GRID2: variants seen among roughly 807,000 people sequenced by gnomAD.
GRID2 encodes the protein glutamate receptor ionotropic, delta-2.
GRID2 carries 33 observed loss-of-function variants against 114.8 expected under a neutral mutation model. The observed-to-expected ratio is 0.29, with a 90% CI of 0.22 to 0.38. GRID2 has a LOEUF of 0.38. GRID2 is among the 10% of genes least tolerant of loss of function. GRID2 has a pLI of 1.00. For synonymous variants in GRID2, 505 were observed against 449.9 expected (o/e 1.12, Z -1.55); for missense variants, 1,184 against 1,257.7 (o/e 0.94, Z 0.89).
chr4:93,551,741 A>G (rs1733770458), intron 13 of GRID2, among the ~76,000 whole-genome samples: 1 of 152,210 alleles, frequency 6.6e-6, no homozygotes, highest in African/African-American at 2.4e-5. Context: ...TTTGCCACTG[A>G]AAATAATGGC....
At chr4:92,336,378 C>T (rs1366217587) in intron 1 of GRID2, among the ~76,000 whole-genome samples, 2 of 152,224 alleles carry the variant, frequency 1.3e-5, no homozygotes, top group African/African-American at 2.4e-5. Context: ...AACATGAGTC[C>T]CATTGTTTCT....
At chr4:93,151,526 G>A (rs1736740154) in intron 4 of GRID2, among the ~76,000 whole-genome samples, 2 of 152,008 alleles carry the variant, frequency 1.3e-5, no homozygotes, top group African/African-American at 4.8e-5. Context: ...AGCCAGACTT[G>A]GTTCTTAATA....
chr4:93,409,203 G>T (rs907616043), intron 9 of GRID2, among the ~76,000 whole-genome samples: 1 of 151,902 alleles, frequency 6.6e-6, no homozygotes, highest in Non-Finnish European at 1.5e-5. Context: ...GAAAAGAAAA[G>T]GTTAATCTAC....
intron 8 of GRID2, among the ~76,000 whole-genome samples, chr4:93,361,547 A>C (rs1761882977): frequency 6.6e-6 from 1 of 151,364 alleles, no homozygotes; most frequent in South Asian, 2.1e-4. Context: ...CTCTGCTGAA[A>C]TTTCCTATCT....
chr4:92,895,620 T>G (rs552645543), intron 2 of GRID2, among the ~76,000 whole-genome samples: 1 of 151,842 alleles, frequency 6.6e-6, no homozygotes, highest in Admixed American at 6.6e-5. Context: ...GCTTAAAAAA[T>G]ATTAAAATAG....
intron 2 of GRID2, among the ~76,000 whole-genome samples, chr4:93,016,938 C>G (rs1326293678): frequency 6.6e-6 from 1 of 151,980 alleles, no homozygotes; most frequent in Non-Finnish European, 1.5e-5. Context: ...AAAAAATTCT[C>G]TTCTATGATG....
intron 2 of GRID2, among the ~76,000 whole-genome samples, chr4:92,710,537 G>C (rs1411813670): frequency 6.6e-6 from 1 of 152,186 alleles, no homozygotes; most frequent in Non-Finnish European, 1.5e-5. Context: ...CCCTCTCTTA[G>C]CTTTTGTGCC....
At chr4:93,412,552 A>G (rs980353137) in intron 9 of GRID2, among the ~76,000 whole-genome samples, 2 of 152,174 alleles carry the variant, frequency 1.3e-5, no homozygotes. Flanking sequence ...GAGATAATAT[A>G]AAAAATTTAC....
chr4:92,526,933 A>G (rs1166798553), intron 1 of GRID2, among the ~76,000 whole-genome samples: 1 of 152,110 alleles, frequency 6.6e-6, no homozygotes, highest in Non-Finnish European at 1.5e-5. Flanking sequence ...ATGTAGCCCC[A>G]TTATAAGTCA....
chr4:93,273,814 A>C (rs2149573705), intron 8 of GRID2, among the ~76,000 whole-genome samples: 1 of 152,236 alleles, frequency 6.6e-6, no homozygotes, highest in African/African-American at 2.4e-5. Context: ...GATAACAAAA[A>C]CCTCAGAGAA....
intron 1 of GRID2, among the ~76,000 whole-genome samples, chr4:92,317,543 A>C (rs923285496): frequency 2.6e-5 from 4 of 152,154 alleles, no homozygotes; most frequent in South Asian, 2.1e-4. Context: ...TTTTCTTTTT[A>C]TTTTTCCTGT....
At chr4:93,678,730 G>A (rs1260441364) in intron 14 of GRID2, among the ~76,000 whole-genome samples, 2 of 151,240 alleles carry the variant, frequency 1.3e-5, no homozygotes. Context: ...CAAGTGCTGA[G>A]AGATTTTGTC....
At chr4:93,345,296 G>T (rs2149252511) in intron 8 of GRID2, among the ~76,000 whole-genome samples, 1 of 151,818 alleles carries the variant, frequency 6.6e-6, no homozygotes, top group Non-Finnish European at 1.5e-5. Flanking sequence ...ATTCCCTTTT[G>T]TCCACATTCT....
At chr4:92,567,444 A>G (rs1287860809) in intron 1 of GRID2, among the ~76,000 whole-genome samples, 1 of 152,040 alleles carries the variant, frequency 6.6e-6, no homozygotes, top group Non-Finnish European at 1.5e-5. Flanking sequence ...TATCTATAGC[A>G]TTACTGAACT....
intron 2 of GRID2, among the ~76,000 whole-genome samples, chr4:92,637,209 T>C (rs1171918503): frequency 6.6e-6 from 1 of 152,030 alleles, no homozygotes; most frequent in African/African-American, 2.4e-5. Flanking sequence ...AAATTTACTA[T>C]GCAGATTTTT....
chr4:93,432,566 G>T (rs1769518731), intron 10 of GRID2, among the ~76,000 whole-genome samples: 1 of 152,058 alleles, frequency 6.6e-6, no homozygotes, highest in African/African-American at 2.4e-5. Flanking sequence ...GAAAACAAAA[G>T]AAATGAGTTT....
chr4:93,682,523 A>G (rs1725664886), intron 14 of GRID2, among the ~76,000 whole-genome samples: 1 of 152,098 alleles, frequency 6.6e-6, no homozygotes, highest in Admixed American at 6.6e-5. Context: ...AAAGACTTGG[A>G]ACCAAGCCAA....
intron 2 of GRID2, among the ~76,000 whole-genome samples, chr4:92,907,513 GC>G (rs1242248299): frequency 6.6e-6 from 1 of 152,052 alleles, no homozygotes; most frequent in Non-Finnish European, 1.5e-5. Context: ...CCAGGTTCAA[GC>G]AATTCTCCTG....
chr4:93,040,674 G>A (rs758077094), intron 2 of GRID2, among the ~76,000 whole-genome samples: 2 of 152,018 alleles, frequency 1.3e-5, no homozygotes, highest in Admixed American at 6.6e-5. Flanking sequence ...ATGAAAAATC[G>A]GTCGGAACAG....
Sources: gnomAD v4.1 joint callset for allele counts (sites outside exome capture counted in the v4.1 genomes callset) on GRCh38, gnomAD v4.1.1 for gene constraint, MANE v1.5 for transcripts, NCBI Gene and HGNC (gene_info 2026-07-23, HGNC 2026-07-21) for gene names.